The following EPAS1 variants were observed in gnomAD, a reference collection of about 807,000 sequenced individuals.
The protein encoded by EPAS1 is endothelial PAS domain-containing protein 1.
EPAS1 carries 23 observed loss-of-function variants against 87.9 expected under a neutral mutation model. The observed-to-expected ratio is 0.26, with a 90% confidence interval of 0.19 to 0.37. The LOEUF is 0.37. Ranked by LOEUF, EPAS1 falls within the 10% of genes least tolerant of loss-of-function variation. The pLI, the probability that EPAS1 is intolerant of heterozygous loss-of-function variation, is 1.00. For missense variants in EPAS1, 1,138 were observed against 1,120.7 expected (o/e 1.02, Z -0.22); for synonymous variants, 508 against 444.3 (o/e 1.14, Z -1.80).
rs1426877758 is a variant in EPAS1 at position 46,385,413 on chromosome 2, A to G, written c.*753A>G. On this transcript the variant is annotated 3_prime_UTR_variant, in exon 16 of 16. Coordinates refer to ENST00000263734, the MANE Select transcript of EPAS1 (RefSeq NM_001430.5). ...TATATCTGGGTTAAGTGTTTATCAT[A>G]TATATGGGTACTTTGTAATATCTAA... 6.6e-6 allele frequency: 1 copy of G among 152,446 alleles called. No individual in the cohort carries two copies. The highest frequency in any genetic ancestry group is 1.5e-5 in the Non-Finnish European group (1 of 68,068). The allele number at this position is 152,446 out of a possible 1,614,324, so 9.4% of individuals were successfully genotyped here. A position where few individuals can be genotyped will look rare whatever the true frequency, so the allele number is the denominator to read the frequency against.
At chr2:46,355,892 T>C (rs1684259385) in intron 2 of EPAS1, among the ~76,000 whole-genome samples, 1 of 152,196 alleles carries the variant, frequency 6.6e-6, no homozygotes, top group Admixed American at 6.5e-5. Flanking sequence ...ACACAGCAGC[T>C]CCTACTGCTC....
At chr2:46,366,783 C>T (rs1684511074) in intron 6 of EPAS1, among the ~76,000 whole-genome samples, 1 of 152,214 alleles carries the variant, frequency 6.6e-6, no homozygotes, top group Non-Finnish European at 1.5e-5. Context: ...TTATCACAGC[C>T]CAGCTCGGAA....
At chr2:46,341,152 A>G (rs192876311) in intron 1 of EPAS1, among the ~76,000 whole-genome samples, 5 of 152,168 alleles carry the variant, frequency 3.3e-5, no homozygotes, top group Non-Finnish European at 5.9e-5. Context: ...CTTCATCTCA[A>G]ACATTTTTGT....
intron 6 of EPAS1, among the ~76,000 whole-genome samples, chr2:46,367,283 A>G (rs1684522655): frequency 6.6e-6 from 1 of 152,274 alleles, no homozygotes; most frequent in South Asian, 2.1e-4. Flanking sequence ...TAATTCCTTC[A>G]GAGAGTAGAA....
At chr2:46,355,034 C>T (rs570565496) in intron 2 of EPAS1, among the ~76,000 whole-genome samples, 9 of 152,268 alleles carry the variant, frequency 5.9e-5, no homozygotes, top group Non-Finnish European at 1.0e-4. Flanking sequence ...CACCCCAAAG[C>T]GACCCCCTCG....
intron 1 of EPAS1, among the ~76,000 whole-genome samples, chr2:46,331,054 G>A (rs1257665471): frequency 6.6e-6 from 1 of 152,104 alleles, no homozygotes; most frequent in African/African-American, 2.4e-5. Flanking sequence ...ATGGTTCTCT[G>A]CATACATGTA....
chr2:46,349,200 G>A (rs1469745612), intron 2 of EPAS1, among the ~76,000 whole-genome samples: 1 of 152,182 alleles, frequency 6.6e-6, no homozygotes, highest in African/African-American at 2.4e-5. Flanking sequence ...CCAGCGTGAT[G>A]GGGAGGAGGT....
chr2:46,362,977 AGTGGTG>A lies in EPAS1; in HGVS notation c.779+1924_779+1929del, dbSNP rs75642579. ...TAGTGGTGGTGGTGGTGGTGGTGGTAGTGGTGGTGGTGGTGGTGGTGGTGGTGGTGG... is the reference window on the plus strand; with the variant it reads ...TAGTGGTGGTGGTGGTGGTGGTGGTAGTGGTGGTGGTGGTGGTGGTGGTGG... On this transcript the variant is annotated intron_variant, in intron 6 of 15. Transcript: ENST00000263734. 1.2e-3 allele frequency among the ~76,000 whole-genome samples: 122 copies of A among 104,368 alleles called. 1 individual carries two copies. Among genetic ancestry groups the A allele is most frequent in the African/African-American group, 2.6e-3 (70 of 27,114 alleles). 68.5% of individuals were successfully genotyped at this position (104,368 alleles called of 152,430 possible). A position where few individuals can be genotyped will look rare whatever the true frequency, so the allele number is the denominator to read the frequency against.
chr2:46,329,873 C>T (rs1558589700), intron 1 of EPAS1, among the ~76,000 whole-genome samples: 1 of 152,156 alleles, frequency 6.6e-6, no homozygotes, highest in African/African-American at 2.4e-5. Flanking sequence ...AAGACAAAAA[C>T]ACCTCTGGCT....
In EPAS1 at chr2:46,360,831, C is replaced by T. The variant is rs1276026575; in HGVS notation, c.574-54C>T. 6.2e-7 allele frequency: 1 copy of T among 1,611,998 alleles called. No individual in the cohort carries two copies. The highest frequency in any genetic ancestry group is 1.7e-5 in the Admixed American group (1 of 60,006). ...GGTGCAGGGGATGCCTAAGGCCCTA[C>T]CCCCACCCCCAGCACTCTCGGCTCC... On this transcript the variant is annotated intron_variant, in intron 5 of 15. Transcript: ENST00000263734. This position sits in a 1 kb window ranked among gnomAD's most constrained non-coding sequence, Gnocchi z 4.5.
chr2:46,304,818 CTT>C (rs147816262), intron 1 of EPAS1, among the ~76,000 whole-genome samples: 3,320 of 152,248 alleles, frequency 0.022, 130 homozygotes, highest in African/African-American at 0.075. Flanking sequence ...TCCTGTGGCT[CTT>C]TTGATCTTTT....
intron 6 of EPAS1, among the ~76,000 whole-genome samples, chr2:46,365,894 C>G (rs1317375633): frequency 6.6e-6 from 1 of 152,222 alleles, no homozygotes; most frequent in Non-Finnish European, 1.5e-5. Context: ...GGAAGGAAAG[C>G]AAGCCGACTT....
chr2:46,311,456 C>T (rs1683211052), intron 1 of EPAS1, among the ~76,000 whole-genome samples: 1 of 152,132 alleles, frequency 6.6e-6, no homozygotes, highest in African/African-American at 2.4e-5. Flanking sequence ...AACTAAGGGA[C>T]TAGTTTCAAG....
intron 2 of EPAS1, 75 bp from the exon 3 acceptor site, chr2:46,356,076 A>C: frequency 1.4e-5 from 20 of 1,479,590 alleles, no homozygotes; most frequent in Non-Finnish European, 1.3e-5. Context: ...ATCCCTGGCA[A>C]ATGCCTATCT....
At chr2:46,370,700 T>C (rs1684610460) in intron 7 of EPAS1, among the ~76,000 whole-genome samples, 1 of 152,230 alleles carries the variant, frequency 6.6e-6, no homozygotes, top group Non-Finnish European at 1.5e-5. Flanking sequence ...GTAGTTTTAA[T>C]TAATTTAAAT....
In EPAS1 at chr2:46,380,506, G is replaced by A. The variant is rs142445582; in HGVS notation, c.1834G>A (p.Gly612Arg). The change falls in exon 12 of 16, where the codon GGA becomes AGA. Residue 612 changes from glycine to arginine, a missense_variant. By Grantham distance (125) the Gly-to-Arg change is moderately radical. Around this residue, in one of 4 missense-constraint regions of EPAS1, gnomAD observed 502 missense variants for 427.1 expected, o/e 1.18. Transcript: ENST00000263734. The surrounding 1 kb of genome is among the most constrained non-coding windows in gnomAD (Gnocchi z 4.4). The part of the protein sequence containing the change: ...RPMSSIFFDA[G>R]SKASLPPCCG... ...CATGTCCTCCATCTTCTTTGATGCC[G>A]GAAGCAAAGCATCCCTGCCACCGTG... 241 of 1,614,114 alleles carry A rather than the reference G, an allele frequency of 1.5e-4. 1 individual carries two copies. In the African/African-American group the frequency reaches 2.4e-3, roughly 16 times the overall value.
chr2:46,345,708 A>G (rs1246674120), intron 1 of EPAS1, among the ~76,000 whole-genome samples: 1 of 152,208 alleles, frequency 6.6e-6, no homozygotes, highest in Non-Finnish European at 1.5e-5. Context: ...AATAGTTATT[A>G]TGCATCTAGC....
chr2:46,340,846 T>A (rs1683897711), intron 1 of EPAS1, among the ~76,000 whole-genome samples: 1 of 152,030 alleles, frequency 6.6e-6, no homozygotes, highest in African/African-American at 2.4e-5. Context: ...CCTCAGCCTC[T>A]TGAGTAGCTG....
At chr2:46,307,423 C>T (rs1413143994) in intron 1 of EPAS1, among the ~76,000 whole-genome samples, 3 of 152,160 alleles carry the variant, frequency 2.0e-5, no homozygotes, top group Non-Finnish European at 4.4e-5. Context: ...GACAAGAGAG[C>T]TTCTATAAAT....
Sources: gnomAD v4.1 joint callset for allele counts (sites outside exome capture counted in the v4.1 genomes callset) on GRCh38, gnomAD v4.1.1 for gene constraint, gnomAD v4.1.1 regional missense constraint, Gnocchi (gnomAD v3.1) non-coding constraint, MANE v1.5 for transcripts, NCBI Gene and HGNC (gene_info 2026-07-23, HGNC 2026-07-21) for gene names.